FGD2: variants seen among roughly 807,000 people sequenced by gnomAD.
The protein encoded by FGD2 is FYVE, RhoGEF and PH domain containing 2.
In FGD2, 52 loss-of-function variants were observed where a neutral mutation model predicts 75.9. That is an observed-to-expected ratio of 0.69 (90% CI 0.55 to 0.86). FGD2 has a LOEUF of 0.86. FGD2 is among the 40% of genes least tolerant of loss of function. The probability of loss-of-function intolerance (pLI) is 0.00; values close to 1 mark genes in which losing one functional copy is unlikely to be tolerated. For missense variants in FGD2, 790 were observed against 872.0 expected, an observed-to-expected ratio of 0.91 and a Z score of 1.18; for synonymous variants, 347 against 348.6, an observed-to-expected ratio of 1.00 and a Z score of 0.05.
Position 37,028,520 on chromosome 6 carries a change from C to A in FGD2, c.*357C>A. 4.5e-6 allele frequency: 1 copy of A among 220,096 alleles called. No individual in the cohort carries two copies. The highest frequency in any genetic ancestry group is 8.8e-6 in the Non-Finnish European group (1 of 114,206). 13.6% of individuals were successfully genotyped at this position (220,096 alleles called of 1,614,324 possible). On this transcript the variant is annotated 3_prime_UTR_variant, in exon 16 of 16. Coordinates refer to ENST00000274963, the MANE Select transcript of FGD2 (RefSeq NM_173558.4). ...GCTTTTAAAGAGTACTGGTGAAAAA[C>A]ACATAGTAAATTAATTTTAAAAATG...
chr6:37,026,217 C>T (rs1389079340), intron 14 of FGD2: 3 of 985,296 alleles, frequency 3.0e-6, no homozygotes, highest in Non-Finnish European at 3.6e-6. Context: ...TAGTACGGCC[C>T]CTCTGGACAG....
At chr6:37,019,712 T>G (rs1292420106) in intron 9 of FGD2, among the ~76,000 whole-genome samples, 1 of 152,158 alleles carries the variant, frequency 6.6e-6, no homozygotes. Flanking sequence ...GAATCCTTCT[T>G]TTGCCCCTTA....
intron 9 of FGD2, among the ~76,000 whole-genome samples, chr6:37,016,936 G>C (rs992548434): frequency 6.6e-6 from 1 of 152,012 alleles, no homozygotes; most frequent in African/African-American, 2.4e-5. Flanking sequence ...TACAATGAAA[G>C]TCTCCGCCCG....
Position 37,008,889 on chromosome 6 carries a change from G to A in FGD2, c.124G>A (p.Glu42Lys). 1 of 1,613,996 alleles carries A rather than the reference G, an allele frequency of 6.2e-7. No homozygotes were observed. Among genetic ancestry groups the A allele is most frequent in the Non-Finnish European group, 8.5e-7 (1 of 1,179,916 alleles). The change falls in exon 2 of 16, where the codon GAG (glutamate) becomes AAG (lysine). Residue 42 changes from glutamate (E) to lysine (K), a missense_variant. Glu to Lys is a moderately conservative substitution (Grantham distance 56). Transcript: ENST00000274963. ...GCTAGAGGACGTGCATCACCGCCCT[G>A]AGTGCAGGCCTCCCGAGTCCCCAGG... is the stretch of plus-strand genomic sequence containing the variant. ...QRLEDVHHRP[E>K]CRPPESPGPR...
At chr6:37,025,974 T>C (rs1277861728) in intron 14 of FGD2, 36 bp downstream of exon 14, 13 of 1,610,792 alleles carry the variant, frequency 8.1e-6, no homozygotes, top group Admixed American at 1.7e-5. Flanking sequence ...CCATCCGTCC[T>C]CTGTTCAGGG....
chr6:37,027,783 A>C (rs181520117), intron 15 of FGD2, 165 bp from the exon 16 acceptor site: 24 of 1,013,678 alleles, frequency 2.4e-5, no homozygotes, highest in Admixed American at 2.1e-4. Context: ...CCTCAGAGGC[A>C]GCCAGTTCTT....
At chr6:37,023,132 C>G (rs1226543175) in intron 13 of FGD2, 1 of 155,292 alleles carries the variant, frequency 6.4e-6, no homozygotes, top group Non-Finnish European at 1.5e-5. Context: ...ATGCACTCAC[C>G]CACCCCGTCA....
At position 37,025,868 on chromosome 6, in the gene FGD2, A is replaced by G; in HGVS notation, c.1535A>G (p.His512Arg). Reference protein sequence around the residue: ...DDNRPNRVCLHCYAFLTGNVL... With the variant: ...DDNRPNRVCLRCYAFLTGNVL... ...AACAGGCCCAACCGAGTCTGCCTCC[A>G]CTGCTACGCATTCCTCACTGGAAAT... is the stretch of plus-strand genomic sequence containing the variant. Residue 512 changes from histidine to arginine, a missense_variant, in exon 14 of 16, where the codon CAC becomes CGC. His to Arg is a conservative substitution (Grantham distance 29, BLOSUM62 0). Coordinates refer to ENST00000274963, the MANE Select transcript of FGD2 (RefSeq NM_173558.4). 6.2e-7 allele frequency: 1 copy of G among 1,614,198 alleles called. No homozygotes were observed. Among genetic ancestry groups the G allele is most frequent in the Non-Finnish European group, 8.5e-7 (1 of 1,180,022 alleles).
At chr6:37,020,503 T>C in intron 9 of FGD2, 38 bp from the exon 10 acceptor site, 1 of 1,572,572 alleles carries the variant, frequency 6.4e-7, no homozygotes, top group Non-Finnish European at 8.6e-7. Flanking sequence ...ACCCGGGCTA[T>C]GATGAGTCTG....
At chr6:37,007,818 G>A (rs1489131338) in intron 1 of FGD2, among the ~76,000 whole-genome samples, 1 of 152,236 alleles carries the variant, frequency 6.6e-6, no homozygotes, top group African/African-American at 2.4e-5. Context: ...ACCAGGGACT[G>A]GGGTGCCAGG....
At chr6:37,019,001 C>T (rs1472632568) in intron 9 of FGD2, among the ~76,000 whole-genome samples, 2 of 152,204 alleles carry the variant, frequency 1.3e-5, no homozygotes, top group African/African-American at 2.4e-5. Flanking sequence ...TCTGTATGAA[C>T]ATCCCAGGGG....
Position 37,013,593 on chromosome 6 carries a change from T to A in FGD2, c.528-16T>A. 1 of 1,611,220 alleles carries A rather than the reference T, an allele frequency of 6.2e-7. No homozygotes were observed. Among genetic ancestry groups the A allele is most frequent in the Admixed American group, 1.7e-5 (1 of 59,810 alleles). On this transcript the variant is annotated splice_polypyrimidine_tract_variant and intron_variant, in intron 4 of 15. Transcript: ENST00000274963. Reference sequence around the variant, plus strand: ...AGGTCTCTAGGCTGAGGGCAATCCCTGTGCCCCTCCTGCAGGACAGCTAAC... The same window carrying A: ...AGGTCTCTAGGCTGAGGGCAATCCCAGTGCCCCTCCTGCAGGACAGCTAAC...
chr6:37,021,780 C>T, intron 12 of FGD2, 176 bp downstream of exon 12: 2 of 606,976 alleles, frequency 3.3e-6, no homozygotes, highest in Non-Finnish European at 5.7e-6. Flanking sequence ...TGAGCATTCC[C>T]CTTTAGCAAA....
chr6:37,011,965 T>G, intron 4 of FGD2, 111 bp downstream of exon 4: 1 of 1,224,596 alleles, frequency 8.2e-7, no homozygotes. Flanking sequence ...CCTTATTGTG[T>G]GGCCATGCCT....
intron 8 of FGD2, 147 bp from the exon 9 acceptor site, chr6:37,015,621 T>C (rs1383696351): frequency 1.1e-5 from 8 of 712,210 alleles, no homozygotes; most frequent in Non-Finnish European, 2.0e-5. Flanking sequence ...TCACCTGTGA[T>C]GTCCTGTGAG....
At chr6:37,025,622 C>A in intron 13 of FGD2, 170 bp from the exon 14 acceptor site, 1 of 673,692 alleles carries the variant, frequency 1.5e-6, no homozygotes, top group Admixed American at 2.7e-5. Flanking sequence ...GGCAGTTGGG[C>A]CTCACCAGCA....
At position 37,026,429 on chromosome 6, in the gene FGD2, A is replaced by G. The variant is rs574953079; in HGVS notation, c.1605+491A>G. 6 of 982,188 alleles carry G rather than the reference A, an allele frequency of 6.1e-6. No homozygotes were observed. In the Admixed American group the frequency reaches 2.5e-4, roughly 40 times the overall value. The allele number at this position is 982,188 out of a possible 1,614,324, so 60.8% of individuals were successfully genotyped here. A position where few individuals can be genotyped will look rare whatever the true frequency, so the allele number is the denominator to read the frequency against. On this transcript the variant is annotated intron_variant, in intron 14 of 15. Coordinates refer to ENST00000274963, the MANE Select transcript of FGD2 (RefSeq NM_173558.4). Reference sequence around the variant, plus strand: ...CTGGAGGAGTGACTTGCCCAAGATCACACAGCAAGTTAGGAGCCAGCTCTC... The same window carrying G: ...CTGGAGGAGTGACTTGCCCAAGATCGCACAGCAAGTTAGGAGCCAGCTCTC...
At position 37,013,378 on chromosome 6, in the gene FGD2, G is replaced by T. The variant is rs1157005949; in HGVS notation, c.528-231G>T. On this transcript the variant is annotated intron_variant, in intron 4 of 15. Transcript: ENST00000274963. ...TGCTGTGGGCCCAACACTGTGCCGGGCCTTGTGGATGAGGCCAACCTGGGA... is the reference window on the plus strand; with the variant it reads ...TGCTGTGGGCCCAACACTGTGCCGGTCCTTGTGGATGAGGCCAACCTGGGA... 4 of 1,256,140 alleles carry T rather than the reference G, an allele frequency of 3.2e-6. No homozygotes were observed. The African/African-American group carries it at 6.1e-5, about 19-fold the overall frequency. The allele number at this position is 1,256,140 out of a possible 1,614,324, so 77.8% of individuals were successfully genotyped here.
At chr6:37,007,838 G>C (rs1764824441) in intron 1 of FGD2, among the ~76,000 whole-genome samples, 1 of 152,304 alleles carries the variant, frequency 6.6e-6, no homozygotes, top group South Asian at 2.1e-4. Flanking sequence ...GGAGGGGTGG[G>C]AGAGCCTGGG....
Sources: allele counts gnomAD v4.1 joint callset (sites outside exome capture counted in the v4.1 genomes callset), GRCh38; gene constraint gnomAD v4.1.1; transcripts MANE v1.5; gene names NCBI Gene and HGNC (gene_info 2026-07-23, HGNC 2026-07-21).